NELL1: variants seen among roughly 807,000 people sequenced by gnomAD.
NELL1 encodes protein kinase C-binding protein NELL1.
A neutral mutation model predicts 107.4 loss-of-function variants in NELL1; 76 were observed. That is an observed-to-expected ratio of 0.71 (90% CI 0.59 to 0.86). NELL1 has a LOEUF of 0.86. Among genes scored for constraint, NELL1 ranks in the 40% least tolerant of loss-of-function variants. The pLI is 0.00. For missense variants in NELL1, 1,024 were observed against 1,005.5 expected, an observed-to-expected ratio of 1.02 and a Z score of -0.25; for synonymous variants, 353 against 341.2, an observed-to-expected ratio of 1.03 and a Z score of -0.38.
intron 12 of NELL1, among the ~76,000 whole-genome samples, chr11:20,968,621 C>G (rs1851433050): frequency 6.6e-6 from 1 of 152,070 alleles, no homozygotes; most frequent in African/African-American, 2.4e-5. Context: ...GGTAGCTGTC[C>G]CTTCATTTTG....
chr11:21,451,472 A>G (rs1321283489), intron 15 of NELL1, among the ~76,000 whole-genome samples: 1 of 152,156 alleles, frequency 6.6e-6, no homozygotes, highest in East Asian at 1.9e-4. Flanking sequence ...TTATCCAAAT[A>G]TATGGAGTAT....
intron 13 of NELL1, among the ~76,000 whole-genome samples, chr11:21,219,873 C>T (rs1400400311): frequency 6.6e-6 from 1 of 152,180 alleles, no homozygotes; most frequent in Non-Finnish European, 1.5e-5. Flanking sequence ...ACTCTCAGTT[C>T]TGCAGGCTGT....
At chr11:21,045,540 G>T (rs1478539553) in intron 12 of NELL1, among the ~76,000 whole-genome samples, 3 of 152,130 alleles carry the variant, frequency 2.0e-5, no homozygotes, top group Non-Finnish European at 2.9e-5. Context: ...ATCTGTATTA[G>T]CATAATAGTT....
intron 13 of NELL1, among the ~76,000 whole-genome samples, chr11:21,115,116 G>A (rs766926997): frequency 1.5e-4 from 23 of 151,998 alleles, no homozygotes; most frequent in African/African-American, 5.1e-4. Flanking sequence ...GGCACTTGTC[G>A]AATGCCTTAA....
intron 12 of NELL1, among the ~76,000 whole-genome samples, chr11:21,046,271 T>A (rs369743556): frequency 2.0e-5 from 3 of 152,312 alleles, no homozygotes; most frequent in Admixed American, 6.5e-5. Context: ...TCTGGTGGCT[T>A]TTAATCATAA....
At chr11:20,987,110 C>T (rs1380330053) in intron 12 of NELL1, among the ~76,000 whole-genome samples, 2 of 152,114 alleles carry the variant, frequency 1.3e-5, no homozygotes, top group Middle Eastern at 3.4e-3. Flanking sequence ...AGAAGGAAAC[C>T]CCATAAGGCT....
chr11:20,729,434 G>T (rs1391627728), intron 2 of NELL1, among the ~76,000 whole-genome samples: 1 of 152,128 alleles, frequency 6.6e-6, no homozygotes, highest in Non-Finnish European at 1.5e-5. Flanking sequence ...TATGATGTTG[G>T]TTATGGATTT....
intron 14 of NELL1, among the ~76,000 whole-genome samples, chr11:21,232,153 A>ATATAT (rs1336630880): frequency 4.1e-5 from 1 of 24,118 alleles, no homozygotes; most frequent in Non-Finnish European, 9.2e-5. Flanking sequence ...AAAATAAAAA[A>ATATAT]AAAAAAATAT....
intron 14 of NELL1, among the ~76,000 whole-genome samples, chr11:21,333,254 G>T (rs1426634157): frequency 6.7e-6 from 1 of 149,086 alleles, no homozygotes; most frequent in Non-Finnish European, 1.5e-5. Context: ...TTAAGACAAT[G>T]GATACCATGG....
intron 15 of NELL1, among the ~76,000 whole-genome samples, chr11:21,475,293 G>A (rs1564912629): frequency 1.3e-5 from 2 of 152,108 alleles, no homozygotes; most frequent in Admixed American, 6.6e-5. Context: ...GATGTCTGAA[G>A]TTGCACCCTG....
intron 13 of NELL1, among the ~76,000 whole-genome samples, chr11:21,180,101 C>G (rs1335610779): frequency 6.6e-6 from 1 of 151,246 alleles, no homozygotes; most frequent in African/African-American, 2.5e-5. Flanking sequence ...GGATTTGCCC[C>G]CCATGCCATA....
intron 2 of NELL1, among the ~76,000 whole-genome samples, chr11:20,688,452 T>A (rs915262519): frequency 6.6e-6 from 1 of 152,264 alleles, no homozygotes; most frequent in Non-Finnish European, 1.5e-5. Context: ...AATGTTTAGC[T>A]CCCACTTATA....
chr11:21,364,131 C>G (rs1469561534), intron 14 of NELL1, among the ~76,000 whole-genome samples: 1 of 152,082 alleles, frequency 6.6e-6, no homozygotes, highest in Non-Finnish European at 1.5e-5. Context: ...AGACTTCAGG[C>G]CAGGCGTGGT....
At chr11:21,468,539 C>T (rs778322476) in intron 15 of NELL1, among the ~76,000 whole-genome samples, 1 of 151,916 alleles carries the variant, frequency 6.6e-6, no homozygotes, top group Non-Finnish European at 1.5e-5. Flanking sequence ...TATGAGCATG[C>T]CTTGCCCAAT....
chr11:21,250,223 A>G (rs1020908312), intron 14 of NELL1, among the ~76,000 whole-genome samples: 1 of 152,214 alleles, frequency 6.6e-6, no homozygotes, highest in Non-Finnish European at 1.5e-5. Context: ...AAAGATTCAG[A>G]CAGGGATCTG....
At chr11:21,158,644 T>A (rs1238153586) in intron 13 of NELL1, among the ~76,000 whole-genome samples, 2 of 152,182 alleles carry the variant, frequency 1.3e-5, no homozygotes, top group Non-Finnish European at 2.9e-5. Flanking sequence ...TGTAGCATAG[T>A]TTTTGTCTGT....
chr11:21,313,375 C>A (rs530453799), intron 14 of NELL1, among the ~76,000 whole-genome samples: 1 of 152,230 alleles, frequency 6.6e-6, no homozygotes, highest in East Asian at 1.9e-4. Flanking sequence ...TGATTGGGAT[C>A]TTTTAGGCTT....
At chr11:21,113,547 T>C in intron 12 of NELL1, 42 bp from the exon 13 acceptor site, 1 of 1,588,620 alleles carries the variant, frequency 6.3e-7, no homozygotes, top group Non-Finnish European at 8.6e-7. Flanking sequence ...TGTTGTTCCA[T>C]TATTTTGCTA....
intron 13 of NELL1, among the ~76,000 whole-genome samples, chr11:21,174,373 T>C (rs755676069): frequency 2.0e-5 from 3 of 151,922 alleles, no homozygotes; most frequent in Non-Finnish European, 2.9e-5. Flanking sequence ...TTTTCCCCCA[T>C]TCTCCATAGC....
Sources: gnomAD v4.1 joint callset for allele counts (sites outside exome capture counted in the v4.1 genomes callset) on GRCh38, gnomAD v4.1.1 for gene constraint, MANE v1.5 for transcripts, NCBI Gene and HGNC (gene_info 2026-07-23, HGNC 2026-07-21) for gene names.